Variants in MYO9A observed in about 807,000 individuals in gnomAD.
MYO9A encodes the protein myosin IXA.
In MYO9A, 103 loss-of-function variants were observed where a neutral mutation model predicts 293.3. That is an observed-to-expected ratio of 0.35 (90% CI 0.30 to 0.41). The LOEUF is 0.41. Among genes scored for constraint, MYO9A ranks in the 10% least tolerant of loss-of-function variants. The pLI, the probability that MYO9A is intolerant of heterozygous loss-of-function variation, is 1.00. For synonymous variants in MYO9A, 1,001 were observed against 1,035.7 expected (o/e 0.97, Z 0.64); for missense variants, 2,685 against 3,033.0 (o/e 0.89, Z 2.69).
intron 41 of MYO9A, among the ~76,000 whole-genome samples, chr15:71,827,593 C>G (rs1343056771): frequency 6.6e-6 from 1 of 152,106 alleles, no homozygotes; most frequent in Non-Finnish European, 1.5e-5. Context: ...TATATGGAAG[C>G]TTTACAAAGA....
At chr15:71,901,961 A>G (rs1430516268) in intron 22 of MYO9A, among the ~76,000 whole-genome samples, 1 of 152,198 alleles carries the variant, frequency 6.6e-6, no homozygotes, top group African/African-American at 2.4e-5. Context: ...AAAGTTATTA[A>G]TAAGTTTATT....
At chr15:71,955,232 A>T (rs1255389555) in intron 14 of MYO9A, among the ~76,000 whole-genome samples, 1 of 151,212 alleles carries the variant, frequency 6.6e-6, no homozygotes, top group Non-Finnish European at 1.5e-5. Context: ...GATTCAAGCT[A>T]TTCTCCTGCC....
intron 2 of MYO9A, among the ~76,000 whole-genome samples, chr15:72,034,311 G>C (rs763996959): frequency 6.6e-6 from 1 of 152,164 alleles, no homozygotes; most frequent in Non-Finnish European, 1.5e-5. Context: ...TCAGATGTAA[G>C]CCAAAGTTTG....
At chr15:71,888,279 AT>A in intron 26 of MYO9A, 163 bp from the exon 27 acceptor site, 1 of 401,932 alleles carries the variant, frequency 2.5e-6, no homozygotes. Context: ...AAAACTCTAT[AT>A]AAAGTAATCT....
chr15:71,951,583 C>T (rs902993415), intron 15 of MYO9A, 194 bp downstream of exon 15: 1 of 523,320 alleles, frequency 1.9e-6, no homozygotes, highest in African/African-American at 2.0e-5. Context: ...AGAAAAGTCA[C>T]CAAAGTTAAA....
At chr15:71,893,139 C>T (rs1231285350) in intron 26 of MYO9A, 8 of 1,286,892 alleles carry the variant, frequency 6.2e-6, no homozygotes, top group Non-Finnish European at 8.1e-6. Flanking sequence ...AGCGCGTCCG[C>T]GCCATTCGAG....
chr15:71,916,490 G>C lies in MYO9A; in HGVS notation c.2565C>G (p.His855Gln), dbSNP rs746044846. ...GCTTTAAAGAATTTACTTCTAGCAA[G>C]TGCTGAAAGAAGAGAAAAAATAAAT... The part of the protein sequence containing the change: ...NFKSKPALPK[H>Q]LLEVNSLKHL... Residue 855 changes from histidine (H) to glutamine (Q), a missense_variant and splice_region_variant, in exon 19 of 42, where the codon CAC (histidine) becomes CAG (glutamine). By Grantham distance (24) the His-to-Gln change is conservative. This residue lies in a region of MYO9A where 1,434 missense variants were observed against 1,497.7 expected (regional missense o/e 0.96). Transcript: ENST00000356056. 35 of 1,597,954 alleles carry C rather than the reference G, an allele frequency of 2.2e-5. No homozygotes were observed. The East Asian group carries it at 6.9e-4, about 32-fold the overall frequency.
chr15:71,879,726 A>T lies in MYO9A; in HGVS notation c.5734T>A (p.Leu1912Met), dbSNP rs1212591745. The change falls in exon 30 of 42, where the codon TTG (leucine) becomes ATG (methionine). Residue 1912 changes from leucine to methionine, a missense_variant. This residue lies in a region of MYO9A where 1,434 missense variants were observed against 1,497.7 expected (regional missense o/e 0.96). Coordinates refer to ENST00000356056, the MANE Select transcript of MYO9A (RefSeq NM_006901.4). ...QNIFSFYSSA[L>M]AMDDGKSIRY... ...CCTAACATAGTCCAACTCACCGCCAATGCAGATGAATAAAAGCTGAAGATA... is the reference window on the plus strand; with the variant it reads ...CCTAACATAGTCCAACTCACCGCCATTGCAGATGAATAAAAGCTGAAGATA... The T allele has an allele frequency of 6.2e-7, 1 of 1,607,450 alleles. No individual in the cohort carries two copies. Among genetic ancestry groups the T allele is most frequent in the Non-Finnish European group, 8.5e-7 (1 of 1,174,208 alleles).
chr15:71,925,317 ATATGTACATATATACG>A, intron 18 of MYO9A, among the ~76,000 whole-genome samples: 1 of 25,528 alleles, frequency 3.9e-5, no homozygotes, highest in South Asian at 1.9e-3. Flanking sequence ...GTATATACGT[ATATGTACATATATACG>A]TATATGTACA....
At chr15:72,004,424 G>C (rs1199267969) in intron 8 of MYO9A, among the ~76,000 whole-genome samples, 1 of 152,096 alleles carries the variant, frequency 6.6e-6, no homozygotes, top group Non-Finnish European at 1.5e-5. Flanking sequence ...GGGCATGGTG[G>C]CGCATACCTG....
chr15:72,091,148 A>G (rs1176973544), intron 1 of MYO9A, among the ~76,000 whole-genome samples: 4 of 151,814 alleles, frequency 2.6e-5, no homozygotes, highest in Non-Finnish European at 5.9e-5. Context: ...GCAGTAAGCT[A>G]TGACTTCACC....
chr15:72,055,289 A>G (rs954733333), intron 1 of MYO9A, among the ~76,000 whole-genome samples: 18 of 152,210 alleles, frequency 1.2e-4, no homozygotes, highest in Admixed American at 3.3e-4. Context: ...GGCAGGCCAC[A>G]TGTAGAATGA....
intron 40 of MYO9A, among the ~76,000 whole-genome samples, chr15:71,828,683 C>T (rs1339708606): frequency 6.6e-6 from 1 of 152,202 alleles, no homozygotes; most frequent in Admixed American, 6.5e-5. Context: ...AGATCCTAAT[C>T]TTGCTTTTTC....
intron 1 of MYO9A, among the ~76,000 whole-genome samples, chr15:72,113,519 C>CA (rs765208579): frequency 2.0e-5 from 3 of 152,216 alleles, no homozygotes; most frequent in Admixed American, 6.5e-5. Context: ...ATCTCATACA[C>CA]ATGCCATGCT....
intron 18 of MYO9A, among the ~76,000 whole-genome samples, chr15:71,924,926 A>T (rs1323466573): frequency 3.9e-5 from 6 of 152,070 alleles, no homozygotes; most frequent in Non-Finnish European, 8.8e-5. Context: ...CTCAAAAAAA[A>T]AAGAAAAAAA....
At chr15:71,878,441 A>C (rs1446890862) in intron 30 of MYO9A, among the ~76,000 whole-genome samples, 1 of 152,184 alleles carries the variant, frequency 6.6e-6, no homozygotes, top group African/African-American at 2.4e-5. Context: ...AAATTTTAGT[A>C]AAAAACCTGA....
At chr15:71,862,923 T>C (rs2056194444) in intron 32 of MYO9A, among the ~76,000 whole-genome samples, 1 of 139,530 alleles carries the variant, frequency 7.2e-6, no homozygotes, top group Admixed American at 7.3e-5. Context: ...CTTTTTCTTT[T>C]TTTGGCTTTT....
At chr15:72,011,325 T>A (rs976485458) in intron 6 of MYO9A, among the ~76,000 whole-genome samples, 3 of 151,292 alleles carry the variant, frequency 2.0e-5, no homozygotes, top group Non-Finnish European at 4.4e-5. Flanking sequence ...TACATCTACA[T>A]TAGATATATA....
chr15:72,087,377 G>A (rs2079773198), intron 1 of MYO9A, among the ~76,000 whole-genome samples: 1 of 152,190 alleles, frequency 6.6e-6, no homozygotes, highest in Non-Finnish European at 1.5e-5. Flanking sequence ...GCTCTGCACT[G>A]ACTGGAGTGC....
Sources: gnomAD v4.1 joint callset for allele counts (sites outside exome capture counted in the v4.1 genomes callset) on GRCh38, gnomAD v4.1.1 for gene constraint, gnomAD v4.1.1 regional missense constraint, MANE v1.5 for transcripts, NCBI Gene and HGNC (gene_info 2026-07-23, HGNC 2026-07-21) for gene names.